The following CHRNB4 variants were observed in gnomAD, a reference collection of about 807,000 sequenced individuals.
CHRNB4 encodes the protein cholinergic receptor nicotinic beta 4 subunit, also known as neuronal acetylcholine receptor subunit beta-4.
In CHRNB4, 23 loss-of-function variants were observed where a neutral mutation model predicts 40.4. That is an observed-to-expected ratio of 0.57 (90% CI 0.41 to 0.81). The LOEUF (loss-of-function observed/expected upper bound fraction) is 0.81. Among genes scored for constraint, CHRNB4 ranks in the 30% least tolerant of loss-of-function variants. CHRNB4 has a pLI of 0.00. For synonymous variants in CHRNB4, 285 were observed against 274.4 expected, an observed-to-expected ratio of 1.04 and a Z score of -0.38; for missense variants, 568 against 670.6, an observed-to-expected ratio of 0.85 and a Z score of 1.69.
At chr15:78,661,427 G>A (rs866478208), upstream of CHRNB4, 7 of 518,376 alleles carry the variant, frequency 1.4e-5, 1 homozygote, top group Middle Eastern at 6.6e-4. Context: ...CTGAGCAACA[G>A]AGTGACCGGT....
At position 78,635,678 on chromosome 15, in the gene CHRNB4, A is replaced by C. The variant is rs71537686; in HGVS notation, c.56-91T>G. 9.1e-3 allele frequency: 14,092 copies of C among 1,553,048 alleles called. 1,789 individuals carry two copies. In the East Asian group the frequency reaches 0.28, roughly 31 times the overall value. ...AGCAGGGAGAGCTGAGAGGGAGCAC[A>C]GGTGCCCTTAGGGCTGGCTGAAGCA... On this transcript the variant is annotated intron_variant, in intron 1 of 5. Transcript: ENST00000261751.
intron 4 of CHRNB4, among the ~76,000 whole-genome samples, chr15:78,656,032 TAC>T (rs1485187404): frequency 6.6e-6 from 1 of 152,140 alleles, no homozygotes; most frequent in Non-Finnish European, 1.5e-5. Context: ...TGCTCCGACA[TAC>T]AGTTAGAAGG....
In CHRNB4 at chr15:78,625,238, C is replaced by G; in HGVS notation, c.1392G>C (p.Trp464Cys). 6.3e-7 allele frequency: 1 copy of G among 1,579,594 alleles called. No individual in the cohort carries two copies. The highest frequency in any genetic ancestry group is 8.6e-7 in the Non-Finnish European group (1 of 1,163,670). ...CCAGGACGCACACAAACATGAACACCCACAGGAACAGCCGGTCCACCACCA... is the reference window on the plus strand; with the variant it reads ...CCAGGACGCACACAAACATGAACACGCACAGGAACAGCCGGTCCACCACCA... Reference protein sequence around the residue: ...VAMVVDRLFLWVFMFVCVLGT... With the variant: ...VAMVVDRLFLCVFMFVCVLGT... The change falls in exon 6 of 6, where the codon TGG becomes TGC. Residue 464 changes from tryptophan to cysteine, a missense_variant. Trp to Cys is a radical substitution (Grantham distance 215, BLOSUM62 -2). Around this residue, in one of 4 missense-constraint regions of CHRNB4, gnomAD observed 242 missense variants for 274.9 expected, o/e 0.88. Coordinates refer to ENST00000261751, the MANE Select transcript of CHRNB4 (RefSeq NM_000750.5).
At chr15:78,659,980 G>A (rs1029491183) in intron 1 of CHRNB4, among the ~76,000 whole-genome samples, 4 of 152,240 alleles carry the variant, frequency 2.6e-5, no homozygotes, top group African/African-American at 9.6e-5. Context: ...GGTGAGGCAG[G>A]TGGATCACTT....
chr15:78,637,983 C>T (rs1330972963), intron 1 of CHRNB4, among the ~76,000 whole-genome samples: 1 of 152,232 alleles, frequency 6.6e-6, no homozygotes, highest in Non-Finnish European at 1.5e-5. Flanking sequence ...GTCCCTCCCA[C>T]AGCCCTTCTT....
upstream of CHRNB4, chr15:78,661,370 A>C (rs1443372399): frequency 1.1e-5 from 6 of 535,566 alleles, no homozygotes; most frequent in East Asian, 2.7e-4. Flanking sequence ...CCCCAAGACC[A>C]CGGCCATTTT....
chr15:78,638,672 C>T (rs2054007519), intron 1 of CHRNB4, among the ~76,000 whole-genome samples: 1 of 152,172 alleles, frequency 6.6e-6, no homozygotes, highest in Non-Finnish European at 1.5e-5. Flanking sequence ...AGCAGGGATA[C>T]TGGGGACTGG....
chr15:78,655,001 T>A (rs896320204), intron 5 of CHRNB4, among the ~76,000 whole-genome samples: 1 of 152,176 alleles, frequency 6.6e-6, no homozygotes, highest in African/African-American at 2.4e-5. Flanking sequence ...ACTGCACATT[T>A]TAAAAATGTA....
chr15:78,641,230 C>A (rs754494909), upstream of CHRNB4: 1 of 1,173,008 alleles, frequency 8.5e-7, no homozygotes, highest in Non-Finnish European at 1.1e-6. Flanking sequence ...TCCTGGCCCC[C>A]GAGGTTTGCT....
chr15:78,626,200 C>T (rs1391821992), intron 5 of CHRNB4: 1 of 152,258 alleles, frequency 6.6e-6, no homozygotes. Flanking sequence ...GCAGGCTAAT[C>T]CTGTGTCAAG....
At chr15:78,645,984 T>C (rs904080799), upstream of CHRNB4, among the ~76,000 whole-genome samples, 3 of 148,144 alleles carry the variant, frequency 2.0e-5, no homozygotes, top group Non-Finnish European at 4.4e-5. Flanking sequence ...CACTTGAACC[T>C]GGGAGGCAGA....
At chr15:78,633,648 C>T (rs572358554) in intron 2 of CHRNB4, among the ~76,000 whole-genome samples, 2 of 152,316 alleles carry the variant, frequency 1.3e-5, no homozygotes, top group South Asian at 2.1e-4. Flanking sequence ...TGCATACCCC[C>T]GATCTCTTGC....
intron 1 of CHRNB4, among the ~76,000 whole-genome samples, chr15:78,639,216 G>A (rs2141395638): frequency 6.6e-6 from 1 of 152,182 alleles, no homozygotes; most frequent in East Asian, 1.9e-4. Context: ...TTCTGCATCT[G>A]GAAAGGCAGA....
In CHRNB4 at chr15:78,641,185, G is replaced by A. The variant is rs1230868318; in HGVS notation, c.-52C>T. The A allele has an allele frequency of 1.3e-6, 2 of 1,488,494 alleles. No homozygotes were observed. Among genetic ancestry groups the A allele is most frequent in the Non-Finnish European group, 1.8e-6 (2 of 1,119,376 alleles). 92.2% of individuals were successfully genotyped at this position (1,488,494 alleles called of 1,614,324 possible). A position where few individuals can be genotyped will look rare whatever the true frequency, so the allele number is the denominator to read the frequency against. ...CGCGAGCTCCGCTGTGGGGTCACAG[G>A]GCACCCGTGAGCCGCGCGGTCGAGT... On this transcript the variant is annotated 5_prime_UTR_variant, in exon 1 of 6. Coordinates refer to ENST00000261751, the MANE Select transcript of CHRNB4 (RefSeq NM_000750.5).
At chr15:78,637,097 T>C (rs977871472) in intron 1 of CHRNB4, among the ~76,000 whole-genome samples, 3 of 152,182 alleles carry the variant, frequency 2.0e-5, no homozygotes, top group African/African-American at 7.2e-5. Context: ...TGGCTCCTCA[T>C]CTGGAGCTTC....
At chr15:78,635,144 G>A (rs2053919973) in intron 2 of CHRNB4, among the ~76,000 whole-genome samples, 1 of 152,198 alleles carries the variant, frequency 6.6e-6, no homozygotes, top group African/African-American at 2.4e-5. Flanking sequence ...AGGAGGAGAA[G>A]CTTATGGTCA....
intron 5 of CHRNB4, among the ~76,000 whole-genome samples, chr15:78,628,597 G>C (rs2053716088): frequency 6.6e-6 from 1 of 152,146 alleles, no homozygotes; most frequent in Non-Finnish European, 1.5e-5. Context: ...GGGTCTGCAA[G>C]GGTACTGAGT....
intron 7 of CHRNB4, among the ~76,000 whole-genome samples, chr15:78,646,752 A>AGCCC (rs2054126331): frequency 6.6e-6 from 1 of 152,226 alleles, no homozygotes; most frequent in Non-Finnish European, 1.5e-5. Flanking sequence ...CCATCTCTTA[A>AGCCC]CACCATTATA....
intron 1 of CHRNB4, among the ~76,000 whole-genome samples, chr15:78,639,798 G>C (rs2054032229): frequency 6.6e-6 from 1 of 152,112 alleles, no homozygotes; most frequent in South Asian, 2.1e-4. Context: ...AAGAAACACT[G>C]CCACTGGCCC....
Sources: allele counts gnomAD v4.1 joint callset (sites outside exome capture counted in the v4.1 genomes callset), GRCh38; gene constraint gnomAD v4.1.1; regional missense constraint gnomAD v4.1.1; transcripts MANE v1.5; gene names NCBI Gene and HGNC (gene_info 2026-07-23, HGNC 2026-07-21).